ITPR2: variants seen among roughly 807,000 people sequenced by gnomAD.
The protein encoded by ITPR2 is inositol 1,4,5-trisphosphate receptor type 2.
Under a neutral mutation model 317.1 loss-of-function variants are expected in ITPR2, and 207 were observed. The observed-to-expected ratio is 0.65, with a 90% CI of 0.58 to 0.73. The LOEUF (loss-of-function observed/expected upper bound fraction) is 0.73, where lower values mean the gene tolerates loss of function less well. ITPR2 is among the 30% of genes least tolerant of loss of function. The pLI is 0.00. For missense variants in ITPR2, 2,613 were observed against 3,284.0 expected (o/e 0.80, Z 4.99); for synonymous variants, 1,156 against 1,149.1 (o/e 1.01, Z -0.12).
intron 37 of ITPR2, among the ~76,000 whole-genome samples, chr12:26,515,653 T>C (rs1377246196): frequency 6.6e-6 from 1 of 151,416 alleles, no homozygotes; most frequent in African/African-American, 2.4e-5. Flanking sequence ...CAGGAGAAAG[T>C]ACAGAGAAGC....
At chr12:26,393,912 A>C (rs1184131839) in intron 54 of ITPR2, among the ~76,000 whole-genome samples, 3 of 152,242 alleles carry the variant, frequency 2.0e-5, no homozygotes, top group African/African-American at 7.2e-5. Flanking sequence ...AAGTCAGACA[A>C]GTATAGAGAC....
At chr12:26,372,562 C>A (rs556075929) in intron 55 of ITPR2, among the ~76,000 whole-genome samples, 2 of 152,310 alleles carry the variant, frequency 1.3e-5, no homozygotes, top group African/African-American at 4.8e-5. Flanking sequence ...CGCACTGTGT[C>A]TAACACACAA....
intron 45 of ITPR2, among the ~76,000 whole-genome samples, chr12:26,446,812 G>C (rs1480552970): frequency 6.7e-6 from 1 of 148,848 alleles, no homozygotes; most frequent in East Asian, 2.0e-4. Context: ...TTCATGATTA[G>C]ATAAGCCATC....
At chr12:26,423,270 T>A (rs1468400210) in intron 49 of ITPR2, among the ~76,000 whole-genome samples, 1 of 152,150 alleles carries the variant, frequency 6.6e-6, no homozygotes, top group East Asian at 1.9e-4. Flanking sequence ...GTATGTTAAA[T>A]GAACATATGG....
At chr12:26,779,789 G>T (rs1565757889) in intron 2 of ITPR2, among the ~76,000 whole-genome samples, 1 of 152,182 alleles carries the variant, frequency 6.6e-6, no homozygotes, top group Non-Finnish European at 1.5e-5. Flanking sequence ...AAGGAGAAAT[G>T]GCCAGATGTG....
At chr12:26,749,726 T>C (rs989024101) in intron 2 of ITPR2, among the ~76,000 whole-genome samples, 1 of 152,356 alleles carries the variant, frequency 6.6e-6, no homozygotes, top group East Asian at 1.9e-4. Context: ...CATAGTGGCA[T>C]GTGTCCCCTA....
chr12:26,474,231 A>T (rs1162381011), intron 45 of ITPR2, among the ~76,000 whole-genome samples: 7 of 152,248 alleles, frequency 4.6e-5, no homozygotes, highest in South Asian at 2.1e-4. Context: ...ACGTACAGGG[A>T]AACAGAAGGG....
At position 26,349,896 on chromosome 12, in the gene ITPR2, A is replaced by G. The variant is rs140305121; in HGVS notation, c.7858-9568T>C. On this transcript the variant is annotated intron_variant, in intron 55 of 56. Transcript: ENST00000381340. Reference sequence around the variant, plus strand: ...CATGAAGGAGGAGAGTTCTGGGATGAAAATGACTTCACGGGACTCCTAATC... The same window carrying G: ...CATGAAGGAGGAGAGTTCTGGGATGGAAATGACTTCACGGGACTCCTAATC... Among the ~76,000 whole-genome samples, 692 of 152,370 alleles carry G rather than the reference A, an allele frequency of 4.5e-3. 2 individuals are homozygous for G. The highest frequency in any genetic ancestry group is 8.0e-3 in the Non-Finnish European group (542 of 68,026).
chr12:26,384,498 C>G (rs1210573992), intron 55 of ITPR2, among the ~76,000 whole-genome samples: 2 of 152,144 alleles, frequency 1.3e-5, no homozygotes, highest in African/African-American at 4.8e-5. Flanking sequence ...GTTCTTATCC[C>G]TCTTGTCATG....
chr12:26,636,522 G>A (rs1946870504), intron 21 of ITPR2, among the ~76,000 whole-genome samples: 1 of 152,136 alleles, frequency 6.6e-6, no homozygotes, highest in African/African-American at 2.4e-5. Context: ...AAATGAGAAT[G>A]ACTTATTGTA....
At chr12:26,785,076 C>A (rs1950197943) in intron 2 of ITPR2, among the ~76,000 whole-genome samples, 1 of 43,598 alleles carries the variant, frequency 2.3e-5, no homozygotes, top group Non-Finnish European at 5.9e-5. Context: ...GCAACCGCCC[C>A]GTCTGAGAAG....
At chr12:26,348,802 A>T (rs561556801) in intron 55 of ITPR2, among the ~76,000 whole-genome samples, 1 of 152,358 alleles carries the variant, frequency 6.6e-6, no homozygotes, top group East Asian at 1.9e-4. Context: ...ATCTTGGTCA[A>T]CATAGCAAGA....
intron 1 of ITPR2, 40 bp downstream of exon 1, chr12:26,832,650 C>G (rs376518492): frequency 4.0e-5 from 59 of 1,477,434 alleles, no homozygotes; most frequent in Non-Finnish European, 5.1e-5. Flanking sequence ...TTCCCAGGAC[C>G]CGGAGCGCGA....
chr12:26,379,807 A>C (rs1471930296), intron 55 of ITPR2, among the ~76,000 whole-genome samples: 1 of 152,198 alleles, frequency 6.6e-6, no homozygotes, highest in Non-Finnish European at 1.5e-5. Context: ...AGAGGAGATA[A>C]GTAAAGTCAC....
chr12:26,395,486 G>T (rs1939967559), intron 54 of ITPR2, among the ~76,000 whole-genome samples: 1 of 152,158 alleles, frequency 6.6e-6, no homozygotes, highest in African/African-American at 2.4e-5. Flanking sequence ...TTAAAATATA[G>T]GAGACAATAT....
chr12:26,357,270 G>A (rs1437324391), intron 55 of ITPR2, among the ~76,000 whole-genome samples: 1 of 152,124 alleles, frequency 6.6e-6, no homozygotes, highest in East Asian at 1.9e-4. Flanking sequence ...GCTGGAGATC[G>A]AGTTCATTCA....
At chr12:26,653,430 C>T (rs571669326) in intron 21 of ITPR2, among the ~76,000 whole-genome samples, 106 of 152,036 alleles carry the variant, frequency 7.0e-4, no homozygotes, top group African/African-American at 2.5e-3. Context: ...TTAGCAGAGA[C>T]GGGTTTTCAC....
chr12:26,492,925 A>G (rs200536164), intron 39 of ITPR2, among the ~76,000 whole-genome samples: 74,798 of 141,164 alleles, frequency 0.53, 19,667 homozygotes, highest in South Asian at 0.63. Flanking sequence ...GTGTGTATAT[A>G]TATATATATA....
intron 55 of ITPR2, among the ~76,000 whole-genome samples, chr12:26,355,655 T>C (rs553526613): frequency 6.6e-6 from 1 of 152,260 alleles, no homozygotes; most frequent in Non-Finnish European, 1.5e-5. Context: ...TTAACTCTTA[T>C]AAAATAGACA....
Sources: allele counts gnomAD v4.1 joint callset (sites outside exome capture counted in the v4.1 genomes callset), GRCh38; gene constraint gnomAD v4.1.1; transcripts MANE v1.5; gene names NCBI Gene and HGNC (gene_info 2026-07-23, HGNC 2026-07-21).